NCKAP1L: variants seen among roughly 807,000 people sequenced by gnomAD.
NCKAP1L encodes nck-associated protein 1-like.
NCKAP1L carries 53 observed loss-of-function variants against 139.2 expected under a neutral mutation model. The ratio of observed to expected loss-of-function variants is 0.38; its 90% confidence interval spans 0.31 to 0.48. The LOEUF (loss-of-function observed/expected upper bound fraction) is 0.48, where lower values mean the gene tolerates loss of function less well. Among genes scored for constraint, NCKAP1L ranks in the 20% least tolerant of loss-of-function variants. NCKAP1L has a pLI of 0.98. For synonymous variants in NCKAP1L, 468 were observed against 499.7 expected, an observed-to-expected ratio of 0.94 and a Z score of 0.85; for missense variants, 1,151 against 1,381.9, an observed-to-expected ratio of 0.83 and a Z score of 2.65.
chr12:54,539,044 C>A, intron 30 of NCKAP1L, 71 bp downstream of exon 30: 1 of 1,321,960 alleles, frequency 7.6e-7, no homozygotes, highest in Non-Finnish European at 1.1e-6. Context: ...TGTTTAGGGT[C>A]TTTGCATCCT....
rs181032492 is a variant in NCKAP1L at position 54,520,587 on chromosome 12, C to T, written c.1626-107C>T. ...GAAAGAATGAATATCCTCTCCGCCT[C>T]AAAGGGACTAGCTCTTAAACTCTAT... On this transcript the variant is annotated intron_variant, in intron 16 of 30. Coordinates refer to ENST00000293373, the MANE Select transcript of NCKAP1L (RefSeq NM_005337.5). 99 of 1,142,266 alleles carry T rather than the reference C, an allele frequency of 8.7e-5. 1 individual carries two copies. The East Asian group carries it at 2.2e-3, about 25-fold the overall frequency. 70.8% of individuals were successfully genotyped at this position (1,142,266 alleles called of 1,614,324 possible).
intron 30 of NCKAP1L, among the ~76,000 whole-genome samples, chr12:54,540,577 G>C (rs542457376): frequency 1.3e-5 from 2 of 152,300 alleles, no homozygotes; most frequent in East Asian, 3.9e-4. Flanking sequence ...TGATAGAGTG[G>C]TTAGAATCCG....
In NCKAP1L at chr12:54,542,679, A is replaced by T; in HGVS notation, c.3378A>T (p.Leu1126=). The change falls in exon 31 of 31, where the codon CTA becomes CTT. Residue 1126 remains leucine, a synonymous_variant. Transcript: ENST00000293373. ...AYREVSRAFH[L]N is the part of the protein sequence containing the mutation. Reference sequence around the variant, plus strand: ...GGGAGGTGTCTCGGGCCTTCCACCTAAACTGAATGCCTGCCAGTACCCACT... The same window carrying T: ...GGGAGGTGTCTCGGGCCTTCCACCTTAACTGAATGCCTGCCAGTACCCACT... The T allele has an allele frequency of 6.2e-7, 1 of 1,612,364 alleles. No individual in the cohort carries two copies. The highest frequency in any genetic ancestry group is 1.1e-5 in the South Asian group (1 of 91,054).
chr12:54,536,405 A>T, intron 28 of NCKAP1L, 160 bp downstream of exon 28: 1 of 556,572 alleles, frequency 1.8e-6, no homozygotes. Flanking sequence ...CATGCCTGTA[A>T]TCCTAGCACT....
intron 20 of NCKAP1L, among the ~76,000 whole-genome samples, chr12:54,524,405 A>T (rs1232701580): frequency 6.6e-6 from 1 of 152,228 alleles, no homozygotes; most frequent in Non-Finnish European, 1.5e-5. Flanking sequence ...GTTAGTAATG[A>T]GTGCAAAGCT....
chr12:54,510,868 G>A (rs1045996285), intron 7 of NCKAP1L, among the ~76,000 whole-genome samples: 3 of 151,466 alleles, frequency 2.0e-5, no homozygotes, highest in African/African-American at 7.3e-5. Flanking sequence ...TGCCCAGGCT[G>A]GTCTTGAACT....
At chr12:54,528,210 T>G in intron 21 of NCKAP1L, 37 bp from the exon 22 acceptor site, 1 of 1,608,318 alleles carries the variant, frequency 6.2e-7, no homozygotes, top group African/African-American at 1.3e-5. Flanking sequence ...GAGAAGGGAT[T>G]GGATCCTAAT....
intron 7 of NCKAP1L, chr12:54,510,506 A>G (rs1956879014): frequency 5.2e-6 from 1 of 191,072 alleles, no homozygotes. Context: ...TGTTTATTTT[A>G]TTTAATTTTA....
intron 26 of NCKAP1L, among the ~76,000 whole-genome samples, chr12:54,534,587 T>TATA (rs1957099186): frequency 6.6e-6 from 1 of 151,950 alleles, no homozygotes. Flanking sequence ...GGGATGGACG[T>TATA]AACAGATATA....
chr12:54,546,680 T>C lies in NCKAP1L; in HGVS notation c.*3995T>C, dbSNP rs954032420. ...GGGCCTCCTGCTTCTCCTAAGTACC[T>C]GTCATCAAAGGAGATGAAGATGAAT... On this transcript the variant is annotated 3_prime_UTR_variant, in exon 31 of 31. Coordinates refer to ENST00000293373, the MANE Select transcript of NCKAP1L (RefSeq NM_005337.5). 2.6e-5 allele frequency: 4 copies of C among 152,272 alleles called. No homozygotes were observed. The highest frequency in any genetic ancestry group is 9.6e-5 in the African/African-American group (4 of 41,454). The allele number at this position is 152,272 out of a possible 1,614,324, so 9.4% of individuals were successfully genotyped here.
chr12:54,523,573 A>G, intron 19 of NCKAP1L, 34 bp downstream of exon 19: 2 of 1,583,510 alleles, frequency 1.3e-6, no homozygotes, highest in Non-Finnish European at 8.6e-7. Context: ...CCAGCTGGGT[A>G]CTGCATCAAA....
At position 54,516,977 on chromosome 12, in the gene NCKAP1L, A is replaced by T. The variant is rs1408573106; in HGVS notation, c.1080A>T (p.Gly360=). 1 of 1,612,154 alleles carries T rather than the reference A, an allele frequency of 6.2e-7. No homozygotes were observed. Among genetic ancestry groups the T allele is most frequent in the South Asian group, 1.1e-5 (1 of 91,060 alleles). The part of the protein sequence containing the change: ...ELETVLADEP[G]LLGPKALFAF... ...AGACTGTGTTGGCTGATGAACCGGG[A>T]CTACTGGGTCCTAAGGCAAGAGGAA... The change falls in exon 11 of 31, where the codon GGA becomes GGT. Residue 360 remains glycine, a synonymous_variant. Transcript: ENST00000293373.
In NCKAP1L at chr12:54,528,230, C is replaced by T; in HGVS notation, c.2376-17C>T. The T allele has an allele frequency of 6.2e-7, 1 of 1,612,578 alleles. No individual in the cohort carries two copies. The highest frequency in any genetic ancestry group is 8.5e-7 in the Non-Finnish European group (1 of 1,179,208). On this transcript the variant is annotated splice_polypyrimidine_tract_variant and intron_variant, in intron 21 of 30. Transcript: ENST00000293373. The stretch of plus-strand genomic sequence containing the variant: ...GGGATTGGATCCTAATCTATGTTTT[C>T]TTGGCCAACCCTGTAGGTACCTGGA...
chr12:54,542,061 G>C (rs926405797), intron 30 of NCKAP1L, among the ~76,000 whole-genome samples: 1 of 151,970 alleles, frequency 6.6e-6, no homozygotes, highest in Non-Finnish European at 1.5e-5. Flanking sequence ...AATTAATCAT[G>C]CCTGCTCCTT....
chr12:54,529,829 A>G (rs544851958), intron 22 of NCKAP1L, among the ~76,000 whole-genome samples: 25 of 152,298 alleles, frequency 1.6e-4, no homozygotes, highest in African/African-American at 4.6e-4. Context: ...AAAGAGAAGG[A>G]TGCCCTAGGG....
Position 54,547,565 on chromosome 12 carries a change from G to C in NCKAP1L, c.*4880G>C, listed in dbSNP as rs1372234254. The C allele has an allele frequency of 6.6e-6, 1 of 151,628 alleles. No individual in the cohort carries two copies. The allele number at this position is 151,628 out of a possible 1,614,324, so 9.4% of individuals were successfully genotyped here. A position where few individuals can be genotyped will look rare whatever the true frequency, so the allele number is the denominator to read the frequency against. On this transcript the variant is annotated 3_prime_UTR_variant, in exon 31 of 31. Coordinates refer to ENST00000293373, the MANE Select transcript of NCKAP1L (RefSeq NM_005337.5). The stretch of plus-strand genomic sequence containing the variant: ...GCCTTAAAATGAATCAGGAGCAGGG[G>C]GTCTTGGGAGAGCAGGATGTGACAC...
chr12:54,510,680 T>A lies in NCKAP1L; in HGVS notation c.735+695T>A, dbSNP rs376729101. On this transcript the variant is annotated intron_variant, in intron 7 of 30. Coordinates refer to ENST00000293373, the MANE Select transcript of NCKAP1L (RefSeq NM_005337.5). ...ATGTGCCGCCACACCTGGGTAATTT[T>A]TTTTTTTTTTTTTGTATCTTTAGTA... Among the ~76,000 whole-genome samples the A allele has an allele frequency of 4.6e-3, 698 of 151,600 alleles. 13 individuals carry two copies. The highest frequency in any genetic ancestry group is 0.04 in the East Asian group (206 of 5,142).
intron 12 of NCKAP1L, 45 bp downstream of exon 12, chr12:54,517,687 G>C (rs1250194918): frequency 6.3e-6 from 10 of 1,576,226 alleles, no homozygotes; most frequent in Non-Finnish European, 8.7e-6. Context: ...AGATGGACTG[G>C]GGACAGGGAG....
chr12:54,521,886 A>ATGTGTGTGTGTG (rs34410189), intron 18 of NCKAP1L, among the ~76,000 whole-genome samples: 7 of 147,298 alleles, frequency 4.8e-5, no homozygotes, highest in South Asian at 2.2e-4. Context: ...GAGTGTGTGT[A>ATGTGTGTGTGTG]TGTGTGTGTG....
Sources: allele counts gnomAD v4.1 joint callset (sites outside exome capture counted in the v4.1 genomes callset), GRCh38; gene constraint gnomAD v4.1.1; transcripts MANE v1.5; gene names NCBI Gene and HGNC (gene_info 2026-07-23, HGNC 2026-07-21).